FAM98C: variants seen among roughly 807,000 people sequenced by gnomAD.
FAM98C encodes tRNA splicing ligase complex subunit 3C.
FAM98C carries 38 observed loss-of-function variants against 41.1 expected under a neutral mutation model. The ratio of observed to expected loss-of-function variants is 0.92; its 90% CI spans 0.71 to 1.21. The LOEUF is 1.21. Ranked by LOEUF, FAM98C falls within the 50% of genes most tolerant of loss-of-function variation. The pLI is 0.00. For synonymous variants in FAM98C, 195 were observed against 216.7 expected, an observed-to-expected ratio of 0.90 and a Z score of 0.88; for missense variants, 493 against 484.7, an observed-to-expected ratio of 1.02 and a Z score of -0.16.
chr19:38,403,948 T>C (rs901583147), intron 3 of FAM98C, among the ~76,000 whole-genome samples: 1 of 152,204 alleles, frequency 6.6e-6, no homozygotes, highest in Admixed American at 6.5e-5. Context: ...TTACCCAAGC[T>C]GGAGTGCAGT....
chr19:38,407,376 C>CTTTT, intron 7 of FAM98C: 1 of 269,966 alleles, frequency 3.7e-6, no homozygotes, highest in South Asian at 5.6e-5. Context: ...GTTTTTTAAC[C>CTTTT]TTTTTTTTTT....
chr19:38,405,995 T>A, intron 6 of FAM98C: 1 of 216,826 alleles, frequency 4.6e-6, no homozygotes, highest in South Asian at 7.0e-5. Context: ...TAGCTGGGAT[T>A]ACGGGCACAT....
chr19:38,403,775 C>A (rs959305361), intron 3 of FAM98C, 81 bp downstream of exon 3: 1 of 1,341,836 alleles, frequency 7.5e-7, no homozygotes, highest in Non-Finnish European at 9.5e-7. Context: ...ATCGAGGTTC[C>A]CAAGGGGTGT....
chr19:38,403,215 TG>T lies in FAM98C; in HGVS notation c.65+1del. 1 of 1,558,880 alleles carries T rather than the reference TG, an allele frequency of 6.4e-7. No homozygotes were observed. Among genetic ancestry groups the T allele is most frequent in the East Asian group, 2.6e-5 (1 of 38,866 alleles). ...GAAVAQDLLA[L>X]GYGGVPGAAS... ...GCGGTGGCCCAGGACCTGCTGGCTC[TG>T]GGGTAAAAGGGTGTGCGGTGAGGCT... On this transcript the variant is annotated frameshift_variant and splice_region_variant, in exon 1 of 8. Transcript: ENST00000252530. LOFTEE classifies it high-confidence loss of function.
rs747604691 is a variant in FAM98C at position 38,405,041 on chromosome 19, C to T, written c.483C>T (p.Leu161=). 3 of 1,614,138 alleles carry T rather than the reference C, an allele frequency of 1.9e-6. No individual in the cohort carries two copies. Among genetic ancestry groups the T allele is most frequent in the Non-Finnish European group, 2.5e-6 (3 of 1,180,018 alleles). ...AGMVQELDLT[L]QALGLPRPAP... is the part of the protein sequence containing the mutation. ...TGGTCCAAGAACTGGACCTTACCCT[C>T]CAAGCCCTGGGGCTGCCCAGACCTG... The change falls in exon 4 of 8, where the codon CTC becomes CTT. Residue 161 remains leucine, a synonymous_variant. Transcript: ENST00000252530.
chr19:38,405,266 C>T (rs1971022585), intron 4 of FAM98C, 78 bp from the exon 5 acceptor site: 2 of 1,555,028 alleles, frequency 1.3e-6, no homozygotes, highest in Non-Finnish European at 8.8e-7. Flanking sequence ...CCTAGGTCCT[C>T]AGGGGTGTGG....
At chr19:38,403,293 T>A (rs1390812613) in intron 1 of FAM98C, 45 bp from the exon 2 acceptor site, 1 of 1,508,138 alleles carries the variant, frequency 6.6e-7, no homozygotes, top group Non-Finnish European at 8.8e-7. Context: ...GAAAAGGGAT[T>A]CCCAGTGACA....
Position 38,404,984 on chromosome 19 carries a change from C to G in FAM98C, c.426C>G (p.Pro142=), listed in dbSNP as rs1971017777. 1.2e-6 allele frequency: 2 copies of G among 1,614,070 alleles called. No homozygotes were observed. The highest frequency in any genetic ancestry group is 1.3e-5 in the African/African-American group (1 of 74,924). The part of the protein sequence containing the change: ...RSLLDPSPRP[P]LGEGVVEGAG... ...TGCTGGATCCGAGTCCTAGGCCACCCCTTGGTGAAGGGGTAGTGGAGGGAG... is the reference window on the plus strand; with the variant it reads ...TGCTGGATCCGAGTCCTAGGCCACCGCTTGGTGAAGGGGTAGTGGAGGGAG... The change falls in exon 4 of 8, where the codon CCC becomes CCG. Residue 142 remains proline (P), a synonymous_variant. Transcript: ENST00000252530.
chr19:38,405,045 G>A lies in FAM98C; in HGVS notation c.487G>A (p.Ala163Thr). 1 of 1,614,098 alleles carries A rather than the reference G, an allele frequency of 6.2e-7. No homozygotes were observed. The highest frequency in any genetic ancestry group is 8.5e-7 in the Non-Finnish European group (1 of 1,180,002). Residue 163 changes from alanine (A) to threonine (T), a missense_variant, in exon 4 of 8, where the codon GCC becomes ACC. Ala to Thr is a moderately conservative substitution (Grantham distance 58). Transcript: ENST00000252530. ...MVQELDLTLQ[A>T]LGLPRPAPGT... Reference sequence around the variant, plus strand: ...CCAAGAACTGGACCTTACCCTCCAAGCCCTGGGGCTGCCCAGACCTGCACC... The same window carrying A: ...CCAAGAACTGGACCTTACCCTCCAAACCCTGGGGCTGCCCAGACCTGCACC...
chr19:38,408,901 G>C lies in FAM98C; in HGVS notation c.*19G>C, dbSNP rs567564690. 1 of 1,546,822 alleles carries C rather than the reference G, an allele frequency of 6.5e-7. No individual in the cohort carries two copies. The highest frequency in any genetic ancestry group is 1.4e-5 in the African/African-American group (1 of 72,120). ...GAAGTAAAGGGGGACTGGTGGTCGGGGGCGGGGGGTCCTCCATGAGATGCT... is the reference window on the plus strand; with the variant it reads ...GAAGTAAAGGGGGACTGGTGGTCGGCGGCGGGGGGTCCTCCATGAGATGCT... On this transcript the variant is annotated 3_prime_UTR_variant, in exon 8 of 8. Coordinates refer to ENST00000252530, the MANE Select transcript of FAM98C (RefSeq NM_174905.4).
chr19:38,403,962 G>A (rs1333871005), intron 3 of FAM98C, among the ~76,000 whole-genome samples: 4 of 152,080 alleles, frequency 2.6e-5, no homozygotes, highest in African/African-American at 9.7e-5. Context: ...GTGCAGTGGC[G>A]TGATCTCGGC....
In FAM98C at chr19:38,403,607, CG is replaced by C. The variant is rs1970997347; in HGVS notation, c.265del (p.Glu89SerfsTer59). 1 of 1,495,472 alleles carries C rather than the reference CG, an allele frequency of 6.7e-7. No individual in the cohort carries two copies. 92.6% of individuals were successfully genotyped at this position (1,495,472 alleles called of 1,614,324 possible). On this transcript the variant is annotated frameshift_variant, in exon 3 of 8. Coordinates refer to ENST00000252530, the MANE Select transcript of FAM98C (RefSeq NM_174905.4). LOFTEE classifies it high-confidence loss of function. ...TCTGCGGCAGCTCGGCAGCCTGCTG[CG>C]GGAGCTGCACTGCCCGGATCGCGCG... ...DFLRQLGSLL[R>X]ELHCPDRALC... is the part of the protein sequence containing the mutation.
Position 38,407,090 on chromosome 19 carries a change from G to T in FAM98C, c.918+13G>T. The T allele has an allele frequency of 6.2e-7, 1 of 1,611,102 alleles. No individual in the cohort carries two copies. Among genetic ancestry groups the T allele is most frequent in the South Asian group, 1.1e-5 (1 of 91,062 alleles). On this transcript the variant is annotated intron_variant, in intron 7 of 7. Coordinates refer to ENST00000252530, the MANE Select transcript of FAM98C (RefSeq NM_174905.4). ...TGCCATCAACAAGGTGGGCATCTGG[G>T]GTAGGGAAGGGCCCTGGCATCCTTG... is the stretch of plus-strand genomic sequence containing the variant.
intron 1 of FAM98C, 49 bp from the exon 2 acceptor site, chr19:38,403,289 G>T: frequency 6.6e-7 from 1 of 1,512,620 alleles, no homozygotes. Context: ...GGACGAAAAG[G>T]GATTCCCAGT....
At chr19:38,406,850 G>T in intron 6 of FAM98C, 60 bp from the exon 7 acceptor site, 1 of 1,553,912 alleles carries the variant, frequency 6.4e-7, no homozygotes, top group South Asian at 1.1e-5. Flanking sequence ...CTTCCAAGAT[G>T]ACAGGTCCCA....
Position 38,403,217 on chromosome 19 carries a change from G to T in FAM98C, c.64G>T (p.Gly22Trp). 1 of 1,558,944 alleles carries T rather than the reference G, an allele frequency of 6.4e-7. No homozygotes were observed. Among genetic ancestry groups the T allele is most frequent in the African/African-American group, 1.4e-5 (1 of 70,570 alleles). ...GGTGGCCCAGGACCTGCTGGCTCTG[G>T]GGTAAAAGGGTGTGCGGTGAGGCTG... ...AAVAQDLLAL[G>W]YGGVPGAASR... The change falls in exon 1 of 8, where the codon GGG (glycine) becomes TGG (tryptophan). Residue 22 changes from glycine (G) to tryptophan (W), a missense_variant and splice_region_variant. Coordinates refer to ENST00000252530, the MANE Select transcript of FAM98C (RefSeq NM_174905.4).
Position 38,405,388 on chromosome 19 carries a change from C to G in FAM98C, c.600C>G (p.Pro200=), listed in dbSNP as rs752252206. ...QPSLPPGSLQ[P]LLSCSLDAPR... is the part of the protein sequence containing the mutation. ...CTCTGCCCCCAGGGTCCCTGCAGCC[C>G]CTCCTCAGCTGCTCGCTAGATGCAC... The change falls in exon 5 of 8, where the codon CCC becomes CCG. Residue 200 remains proline (P), a synonymous_variant. Transcript: ENST00000252530. The G allele has an allele frequency of 1.9e-6, 3 of 1,614,100 alleles. No homozygotes were observed. Among genetic ancestry groups the G allele is most frequent in the Non-Finnish European group, 2.5e-6 (3 of 1,180,020 alleles).
chr19:38,406,862 G>T (rs59491640), intron 6 of FAM98C, 48 bp from the exon 7 acceptor site: 59,323 of 1,587,528 alleles, frequency 0.037, 1,429 homozygotes, highest in African/African-American at 0.11. Context: ...CAGGTCCCAC[G>T]TGGGGAAGGG....
chr19:38,403,681 A>C lies in FAM98C; in HGVS notation c.336A>C (p.Gly112=). ...CTGCGCTTCGGGAACCCGGTGCCGG[A>C]CTGCGCCTGCTGCGTGAGTCCCGGG... is the stretch of plus-strand genomic sequence containing the variant. ...GAAALREPGA[G]LRLLRFLCSE... The change falls in exon 3 of 8, where the codon GGA becomes GGC. Residue 112 remains glycine, a synonymous_variant. Transcript: ENST00000252530. 1 of 1,414,578 alleles carries C rather than the reference A, an allele frequency of 7.1e-7. No individual in the cohort carries two copies. The highest frequency in any genetic ancestry group is 9.1e-7 in the Non-Finnish European group (1 of 1,094,198). The allele number at this position is 1,414,578 out of a possible 1,614,324, so 87.6% of individuals were successfully genotyped here. A position where few individuals can be genotyped will look rare whatever the true frequency, so the allele number is the denominator to read the frequency against.
Sources: gnomAD v4.1 joint callset for allele counts (sites outside exome capture counted in the v4.1 genomes callset) on GRCh38, gnomAD v4.1.1 for gene constraint, MANE v1.5 for transcripts, NCBI Gene and HGNC (gene_info 2026-07-23, HGNC 2026-07-21) for gene names.